MICU1: variants seen among roughly 807,000 people sequenced by gnomAD.
MICU1 encodes the protein calcium uptake protein 1, mitochondrial.
In MICU1, 45 loss-of-function variants were observed where a neutral mutation model predicts 56.8. The observed-to-expected ratio is 0.79, with a 90% CI of 0.62 to 1.02. The LOEUF is 1.02. MICU1 is among the 50% of genes least tolerant of loss of function. The pLI is 0.00. For synonymous variants in MICU1, 186 were observed against 195.1 expected (o/e 0.95, Z 0.39); for missense variants, 504 against 587.1 (o/e 0.86, Z 1.46).
In MICU1 at chr10:72,551,307, G is replaced by A; in HGVS notation, c.365C>T (p.Ser122Phe). The A allele has an allele frequency of 6.2e-7, 1 of 1,612,638 alleles. No individual in the cohort carries two copies. Among genetic ancestry groups the A allele is most frequent in the Non-Finnish European group, 8.5e-7 (1 of 1,179,350 alleles). ...MEYENRIRAYSTPDKIFRYFA... is the reference protein window; with the variant it reads ...MEYENRIRAYFTPDKIFRYFA... Reference sequence around the variant, plus strand: ...ATATCGGAAGATTTTGTCTGGCGTGGAGTAGGCTCGAATCCTATTCTCATA... The same window carrying A: ...ATATCGGAAGATTTTGTCTGGCGTGAAGTAGGCTCGAATCCTATTCTCATA... The change falls in exon 4 of 12, where the codon TCC becomes TTC. Residue 122 changes from serine (S) to phenylalanine (F), a missense_variant. Ser to Phe is a radical substitution (Grantham distance 155). Transcript: ENST00000361114.
At chr10:72,492,928 C>T (rs1348379632) in intron 6 of MICU1, among the ~76,000 whole-genome samples, 2 of 151,842 alleles carry the variant, frequency 1.3e-5, no homozygotes, top group Admixed American at 6.6e-5. Flanking sequence ...ACCAGTCTGG[C>T]CAACATGGTG....
chr10:72,610,068 G>A (rs184192170), intron 1 of MICU1, among the ~76,000 whole-genome samples: 3 of 151,638 alleles, frequency 2.0e-5, no homozygotes, highest in Admixed American at 1.3e-4. Context: ...AGACCAGCTT[G>A]GGCAACACAG....
At chr10:72,517,998 A>C (rs1867702377) in intron 5 of MICU1, among the ~76,000 whole-genome samples, 1 of 116,084 alleles carries the variant, frequency 8.6e-6, no homozygotes, top group African/African-American at 3.3e-5. Flanking sequence ...AGTTATTTAC[A>C]TTTTTTGTTA....
intron 1 of MICU1, among the ~76,000 whole-genome samples, chr10:72,573,001 G>A (rs1252626569): frequency 6.6e-6 from 1 of 151,770 alleles, no homozygotes; most frequent in Non-Finnish European, 1.5e-5. Context: ...CATGTATATG[G>A]TGCATAATTA....
chr10:72,608,973 T>C (rs1243799906), intron 1 of MICU1, among the ~76,000 whole-genome samples: 1 of 152,214 alleles, frequency 6.6e-6, no homozygotes, highest in Non-Finnish European at 1.5e-5. Flanking sequence ...GGCTGGCCAA[T>C]TTACAAATCA....
At chr10:72,369,117 A>AT (rs993994886) in intron 11 of MICU1, among the ~76,000 whole-genome samples, 2 of 151,800 alleles carry the variant, frequency 1.3e-5, no homozygotes, top group African/African-American at 4.8e-5. Flanking sequence ...GTCTCTAAAA[A>AT]TTTTTTTCAA....
intron 10 of MICU1, among the ~76,000 whole-genome samples, chr10:72,381,189 A>G (rs531445351): frequency 1.8e-4 from 28 of 152,210 alleles, no homozygotes; most frequent in Non-Finnish European, 3.4e-4. Flanking sequence ...AGGTGGTATG[A>G]CAAGTTGGGC....
chr10:72,500,286 A>ATT (rs1867007073), intron 6 of MICU1, among the ~76,000 whole-genome samples: 17 of 8,684 alleles, frequency 2.0e-3, no homozygotes, highest in African/African-American at 2.8e-3. Context: ...ATATATATAT[A>ATT]TATATATATA....
intron 1 of MICU1, among the ~76,000 whole-genome samples, chr10:72,605,085 T>C (rs1841649245): frequency 6.6e-6 from 1 of 152,104 alleles, no homozygotes. Context: ...AAGATACAGA[T>C]CACAAAGACC....
At chr10:72,384,670 T>C (rs1862829421) in intron 10 of MICU1, among the ~76,000 whole-genome samples, 1 of 152,198 alleles carries the variant, frequency 6.6e-6, no homozygotes, top group Admixed American at 6.5e-5. Flanking sequence ...CTAAGTGACT[T>C]TAAATTTGGG....
intron 10 of MICU1, among the ~76,000 whole-genome samples, chr10:72,384,704 GAA>G (rs1269843810): frequency 6.6e-6 from 1 of 152,118 alleles, no homozygotes; most frequent in African/African-American, 2.4e-5. Flanking sequence ...CCTCTGCAGA[GAA>G]AATGCCTCAT....
At chr10:72,492,617 G>C (rs1161641117) in intron 6 of MICU1, among the ~76,000 whole-genome samples, 2 of 151,598 alleles carry the variant, frequency 1.3e-5, no homozygotes, top group Non-Finnish European at 2.9e-5. Flanking sequence ...ACAAAAATTA[G>C]CTGGGTGTGG....
chr10:72,523,191 T>C (rs570571012), intron 5 of MICU1, among the ~76,000 whole-genome samples: 1 of 152,186 alleles, frequency 6.6e-6, no homozygotes, highest in Admixed American at 6.5e-5. Flanking sequence ...ATACAATTAT[T>C]AAAGGAGAGG....
rs1266151652 is a variant in MICU1, at chr10:72,455,350, C to CCAAAAAAAAA, written c.933+19749_933+19750insTTTTTTTTTG. On this transcript the variant is annotated intron_variant, in intron 8 of 11. Transcript: ENST00000361114. ...GGGAAACAAGAGCAAGACTCTGTCTCAAAAAAAAAAAAAAAAAAAAAAAAA... is the reference window on the plus strand; with the variant it reads ...GGGAAACAAGAGCAAGACTCTGTCTCCAAAAAAAAAAAAAAAAAAAAAAAAAAAAAAAAAA... 9.0e-5 allele frequency among the ~76,000 whole-genome samples: 4 copies of CCAAAAAAAAA among 44,212 alleles called. 1 individual carries two copies. The highest frequency in any genetic ancestry group is 2.7e-4 in the African/African-American group (4 of 14,924). 29.0% of individuals were successfully genotyped at this position (44,212 alleles called of 152,430 possible). A position where few individuals can be genotyped will look rare whatever the true frequency, so the allele number is the denominator to read the frequency against.
At position 72,597,544 on chromosome 10, in the gene MICU1, A is replaced by G. The variant is rs11000365; in HGVS notation, c.-2+28466T>C. Among the ~76,000 whole-genome samples the G allele has an allele frequency of 1.3e-3, 199 of 152,318 alleles. 4 individuals are homozygous for G. The East Asian group carries it at 0.034, about 26-fold the overall frequency. Reference sequence around the variant, plus strand: ...TTTTTGCATTTTGGAATATATGTAAATACATAATGAGATATCTTAGGAATA... The same window carrying G: ...TTTTTGCATTTTGGAATATATGTAAGTACATAATGAGATATCTTAGGAATA... On this transcript the variant is annotated intron_variant, in intron 1 of 11. Coordinates refer to ENST00000361114, the MANE Select transcript of MICU1 (RefSeq NM_001195518.2).
chr10:72,540,846 G>C (rs902896371), intron 4 of MICU1, among the ~76,000 whole-genome samples: 3 of 152,186 alleles, frequency 2.0e-5, no homozygotes, highest in African/African-American at 7.2e-5. Context: ...GGACTTCTGA[G>C]GTTGGCTTTC....
chr10:72,508,854 G>A (rs942354469), intron 5 of MICU1, among the ~76,000 whole-genome samples: 21 of 152,086 alleles, frequency 1.4e-4, no homozygotes, highest in Non-Finnish European at 4.4e-5. Flanking sequence ...CAAATCAGTC[G>A]TACACACTTT....
At chr10:72,556,985 G>T (rs981182007) in intron 3 of MICU1, among the ~76,000 whole-genome samples, 5 of 151,850 alleles carry the variant, frequency 3.3e-5, no homozygotes, top group Non-Finnish European at 7.4e-5. Context: ...AGAATCACTT[G>T]AACCCAGGAG....
Position 72,375,879 on chromosome 10 carries a change from AAAG to A in MICU1, c.1181-10_1181-8del. On this transcript the variant is annotated splice_region_variant and splice_polypyrimidine_tract_variant and intron_variant, in intron 10 of 11. Transcript: ENST00000361114. Reference sequence around the variant, plus strand: ...GCCACCTGCTGCATGGTCACTGAAAAAAGAAAGAGGTGCATTAGCACAGCAGAG... The same window carrying A: ...GCCACCTGCTGCATGGTCACTGAAAAAAAGAGGTGCATTAGCACAGCAGAG... The A allele has an allele frequency of 6.2e-7, 1 of 1,612,116 alleles. No homozygotes were observed. Among genetic ancestry groups the A allele is most frequent in the Non-Finnish European group, 8.5e-7 (1 of 1,179,102 alleles).
Sources: allele counts gnomAD v4.1 joint callset (sites outside exome capture counted in the v4.1 genomes callset), GRCh38; gene constraint gnomAD v4.1.1; transcripts MANE v1.5; gene names NCBI Gene and HGNC (gene_info 2026-07-23, HGNC 2026-07-21).